The following PRELID2 variants were observed in gnomAD, a reference collection of about 807,000 sequenced individuals.
The protein encoded by PRELID2 is PRELI domain containing 2.
In PRELID2, 25 loss-of-function variants were observed where a neutral mutation model predicts 28.4. The ratio of observed to expected loss-of-function variants is 0.88; its 90% CI spans 0.64 to 1.23. The LOEUF (loss-of-function observed/expected upper bound fraction) is 1.23. Among genes scored for constraint, PRELID2 ranks in the 50% most tolerant of loss-of-function variants. The probability of loss-of-function intolerance (pLI) is 0.00; values close to 1 mark genes in which losing one functional copy is unlikely to be tolerated. For missense variants in PRELID2, 201 were observed against 214.4 expected (o/e 0.94, Z 0.39); for synonymous variants, 76 against 71.6 (o/e 1.06, Z -0.31).
intron 1 of PRELID2, among the ~76,000 whole-genome samples, chr5:145,687,674 C>T (rs1755063050): frequency 6.6e-6 from 1 of 152,110 alleles, no homozygotes; most frequent in Non-Finnish European, 1.5e-5. Context: ...TTTGCTTATG[C>T]ATCACTAGCA....
At chr5:145,596,790 A>G (rs552440048) in intron 1 of PRELID2, among the ~76,000 whole-genome samples, 5 of 152,330 alleles carry the variant, frequency 3.3e-5, no homozygotes, top group South Asian at 2.1e-4. Context: ...GAAAATATAT[A>G]GTATAAGACC....
chr5:145,658,977 T>A (rs1754441958), intron 1 of PRELID2, among the ~76,000 whole-genome samples: 1 of 152,076 alleles, frequency 6.6e-6, no homozygotes. Flanking sequence ...ATTGGGAAGA[T>A]GGGAAGTTCG....
chr5:145,270,537 G>A, the PRELID2 span, among the ~76,000 whole-genome samples: 3 of 152,010 alleles, frequency 2.0e-5, no homozygotes, highest in East Asian at 1.9e-4. Context: ...ACAAATGTGC[G>A]GTTCTAGAAT....
intron 1 of PRELID2, among the ~76,000 whole-genome samples, chr5:145,721,081 A>AT (rs1306127474): frequency 1.3e-5 from 2 of 152,110 alleles, no homozygotes; most frequent in Non-Finnish European, 2.9e-5. Context: ...ATTATTTCAC[A>AT]TTTTTGCAAA....
chr5:145,273,460 C>A, the PRELID2 span, among the ~76,000 whole-genome samples: 1 of 151,912 alleles, frequency 6.6e-6, no homozygotes, highest in African/African-American at 2.4e-5. Context: ...GAAAGGAAAC[C>A]CCATAGATGG....
At chr5:145,645,860 C>G (rs1754187909) in intron 1 of PRELID2, among the ~76,000 whole-genome samples, 1 of 152,114 alleles carries the variant, frequency 6.6e-6, no homozygotes, top group African/African-American at 2.4e-5. Context: ...AATATTGGCC[C>G]CACTCTCTTC....
the PRELID2 span, among the ~76,000 whole-genome samples, chr5:145,350,905 GC>G: frequency 1.3e-5 from 2 of 152,176 alleles, no homozygotes; most frequent in African/African-American, 4.8e-5. Context: ...CTTAGAACAT[GC>G]CCAGTGAATC....
chr5:145,657,889 CAGTCACT>C, intron 1 of PRELID2, among the ~76,000 whole-genome samples: 1 of 152,292 alleles, frequency 6.6e-6, no homozygotes, highest in East Asian at 1.9e-4. Flanking sequence ...AAGCATTCCA[CAGTCACT>C]ATCTTTCTGC....
In PRELID2 at chr5:145,549,210, A is replaced by G. The variant is rs1017666515; in HGVS notation, n.71-75895T>C. Among the ~76,000 whole-genome samples the G allele has an allele frequency of 3.9e-5, 6 of 152,296 alleles. No homozygotes were observed. The East Asian group carries it at 9.7e-4, about 25-fold the overall frequency. On this transcript the variant is annotated intron_variant and non_coding_transcript_variant, in intron 1 of 2. Coordinates refer to the PRELID2 transcript ENST00000510259. Reference sequence around the variant, plus strand: ...GTTGCTCATTAGGTGTCTGCTTCTCAGCTAGCCCACATCATTATGACAGGA... The same window carrying G: ...GTTGCTCATTAGGTGTCTGCTTCTCGGCTAGCCCACATCATTATGACAGGA...
the PRELID2 span, among the ~76,000 whole-genome samples, chr5:145,430,161 A>G: frequency 2.0e-5 from 3 of 152,158 alleles, no homozygotes; most frequent in African/African-American, 7.2e-5. Context: ...CCAACTCTAC[A>G]TGTGCAAATT....
At chr5:145,691,980 G>A (rs1755159916) in intron 1 of PRELID2, among the ~76,000 whole-genome samples, 1 of 152,094 alleles carries the variant, frequency 6.6e-6, no homozygotes, top group African/African-American at 2.4e-5. Flanking sequence ...GCCACCTGAT[G>A]AATGCATCCT....
the PRELID2 span, among the ~76,000 whole-genome samples, chr5:145,360,477 C>T: frequency 6.6e-6 from 1 of 152,026 alleles, no homozygotes; most frequent in South Asian, 2.1e-4. Flanking sequence ...TACAGTGTCC[C>T]GACCTGGAAA....
the PRELID2 span, among the ~76,000 whole-genome samples, chr5:145,465,295 G>C: frequency 6.6e-6 from 1 of 152,142 alleles, no homozygotes; most frequent in African/African-American, 2.4e-5. Context: ...CCAGACTAGA[G>C]ACAAATTTTT....
intron 1 of PRELID2, among the ~76,000 whole-genome samples, chr5:145,701,972 A>G (rs927544812): frequency 6.6e-6 from 1 of 151,964 alleles, no homozygotes; most frequent in African/African-American, 2.4e-5. Flanking sequence ...AAATGCTTAA[A>G]CCTGGGAGGT....
At chr5:145,493,225 T>A (rs1213264658) in intron 1 of PRELID2, among the ~76,000 whole-genome samples, 4 of 151,820 alleles carry the variant, frequency 2.6e-5, no homozygotes, top group Admixed American at 6.6e-5. Flanking sequence ...TGCTCCCAGA[T>A]TGTCCCTGAA....
intron 1 of PRELID2, among the ~76,000 whole-genome samples, chr5:145,714,375 C>T (rs1421193895): frequency 1.3e-5 from 2 of 152,100 alleles, no homozygotes; most frequent in Admixed American, 1.3e-4. Flanking sequence ...AGGGAATAAG[C>T]TTGTATTAAT....
At chr5:145,374,512 T>A in the PRELID2 span, among the ~76,000 whole-genome samples, 4 of 152,104 alleles carry the variant, frequency 2.6e-5, no homozygotes, top group Non-Finnish European at 5.9e-5. Flanking sequence ...ATTTCTTGAA[T>A]TTTCAGGTTG....
chr5:145,610,356 G>A (rs1412851278), intron 1 of PRELID2, among the ~76,000 whole-genome samples: 2 of 151,922 alleles, frequency 1.3e-5, no homozygotes, highest in Non-Finnish European at 2.9e-5. Context: ...TAGCCCCTTT[G>A]TTTCCTCTCT....
intron 1 of PRELID2, among the ~76,000 whole-genome samples, chr5:145,647,930 C>T (rs1754225345): frequency 6.6e-6 from 1 of 152,148 alleles, no homozygotes; most frequent in African/African-American, 2.4e-5. Context: ...CAGAAATCAC[C>T]CTGCTTGTGC....
Sources: gnomAD v4.1 joint callset for allele counts (sites outside exome capture counted in the v4.1 genomes callset) on GRCh38, gnomAD v4.1.1 for gene constraint, MANE v1.5 for transcripts, NCBI Gene and HGNC (gene_info 2026-07-23, HGNC 2026-07-21) for gene names.